Variants in MCF2L observed in about 807,000 individuals in gnomAD.
MCF2L encodes guanine nucleotide exchange factor DBS.
MCF2L carries 97 observed loss-of-function variants against 153.4 expected under a neutral mutation model. That is an observed-to-expected ratio of 0.63 (90% CI 0.54 to 0.75). The LOEUF is 0.75. MCF2L is among the 30% of genes least tolerant of loss of function. The probability of loss-of-function intolerance (pLI) is 0.00; values close to 1 mark genes in which losing one functional copy is unlikely to be tolerated. For missense variants in MCF2L, 1,347 were observed against 1,495.2 expected, an observed-to-expected ratio of 0.90 and a Z score of 1.64; for synonymous variants, 659 against 632.2, an observed-to-expected ratio of 1.04 and a Z score of -0.64.
Position 112,993,177 on chromosome 13 carries a change from CAG to C in MCF2L, c.80-21583_80-21582del, listed in dbSNP as rs912586901. On this transcript the variant is annotated intron_variant, in intron 1 of 29. Coordinates refer to ENST00000535094, the MANE Select transcript of MCF2L (RefSeq NM_001112732.3). This position sits in a 1 kb window ranked among gnomAD's most constrained non-coding sequence, Gnocchi z 4.6. ...GGAGGCCACAGAGAGGCTGTACTGA[CAG>C]AGGCTGGGGGAGGATCTGGTGATGG... 6.6e-6 allele frequency among the ~76,000 whole-genome samples: 1 copy of C among 152,210 alleles called. No homozygotes were observed.
intron 9 of MCF2L, among the ~76,000 whole-genome samples, chr13:113,072,791 C>T (rs776862390): frequency 4.6e-5 from 7 of 152,088 alleles, no homozygotes; most frequent in African/African-American, 7.2e-5. Flanking sequence ...CCAAAGAACT[C>T]GTTCTTTGTT....
chr13:113,043,370 C>T (rs958687041), intron 3 of MCF2L: 7 of 152,280 alleles, frequency 4.6e-5, no homozygotes, highest in African/African-American at 1.7e-4. Flanking sequence ...CTCTTCTCTC[C>T]TTCACTCTAG....
rs1566773260 is a variant in MCF2L, at chr13:113,033,333, CCCCCGTGACATTAGTGGA to C, written c.278+8583_278+8600del. On this transcript the variant is annotated intron_variant, in intron 3 of 29. Transcript: ENST00000535094. ...TGAGTGGCCCCTGTGGCGTGAGTGG[CCCCCGTGACATTAGTGGA>C]CCCCGTGGCGTGAGTGGCCCCCGTG... Among the ~76,000 whole-genome samples the C allele has an allele frequency of 6.6e-4, 65 of 97,844 alleles. 3 individuals carry two copies. Among genetic ancestry groups the C allele is most frequent in the East Asian group, 1.8e-3 (4 of 2,224 alleles). 64.2% of individuals were successfully genotyped at this position (97,844 alleles called of 152,430 possible).
intron 26 of MCF2L, among the ~76,000 whole-genome samples, chr13:113,092,528 T>C (rs1831683005): frequency 6.6e-6 from 1 of 152,264 alleles, no homozygotes; most frequent in Non-Finnish European, 1.5e-5. Flanking sequence ...TTGGTGGTAG[T>C]GAGCCCAGGT....
Position 113,086,247 on chromosome 13 carries a change from G to A in MCF2L, c.2371G>A (p.Asp791Asn), listed in dbSNP as rs745776300. The A allele has an allele frequency of 3.1e-6, 5 of 1,609,286 alleles. No individual in the cohort carries two copies. The highest frequency in any genetic ancestry group is 2.2e-5 in the South Asian group (2 of 90,530). ...GCACCTCATCGCTATCACCGGCTAT[G>A]ACGTAAGGCGCCCAGATGCCCGGTC... ...SMHLIAITGY[D>N]GNLGDLGKLL... Residue 791 changes from aspartate to asparagine, a missense_variant and splice_region_variant, in exon 21 of 30, where the codon GAC (aspartate) becomes AAC (asparagine). Asp to Asn is a conservative substitution (Grantham distance 23). This residue lies in a region of MCF2L where 144 missense variants were observed against 238.7 expected (regional missense o/e 0.60). Coordinates refer to ENST00000535094, the MANE Select transcript of MCF2L (RefSeq NM_001112732.3).
chr13:112,972,496 ATGGATGGATGGATGTGTGAG>A (rs1345379563), intron 1 of MCF2L, among the ~76,000 whole-genome samples: 2 of 140,532 alleles, frequency 1.4e-5, no homozygotes, highest in Non-Finnish European at 3.1e-5. Context: ...ATGGATGATG[ATGGATGGATGGATGTGTGAG>A]TGGATGGATG....
At chr13:112,903,896 C>T (rs1029716755) in intron 2 of MCF2L, among the ~76,000 whole-genome samples, 4 of 152,196 alleles carry the variant, frequency 2.6e-5, no homozygotes, top group Non-Finnish European at 1.5e-5. Context: ...GTGCTGCACA[C>T]AGCTTAGCTG....
chr13:113,008,933 T>A (rs1159654464), intron 1 of MCF2L: 2 of 150,970 alleles, frequency 1.3e-5, no homozygotes, highest in African/African-American at 2.5e-5. Context: ...CGAGGCAGCG[T>A]GGAGAGGGAG....
chr13:112,920,320 ACT>A (rs1306390104), intron 2 of MCF2L, among the ~76,000 whole-genome samples: 2 of 151,514 alleles, frequency 1.3e-5, no homozygotes, highest in East Asian at 1.9e-4. Context: ...GCAGAAGAAA[ACT>A]CTGCATTCAA....
intron 15 of MCF2L, among the ~76,000 whole-genome samples, chr13:113,079,954 A>G (rs1470409711): frequency 2.1e-4 from 25 of 121,756 alleles, no homozygotes; most frequent in African/African-American, 2.9e-4. Flanking sequence ...TACCGAGGAG[A>G]GTCCAGGCAG....
rs916692801 is a variant in MCF2L at position 113,064,291 on chromosome 13, C to T, written c.490-13C>T. On this transcript the variant is annotated splice_polypyrimidine_tract_variant and intron_variant, in intron 5 of 29. Coordinates refer to ENST00000535094, the MANE Select transcript of MCF2L (RefSeq NM_001112732.3). The surrounding 1 kb of genome is among the most constrained non-coding windows in gnomAD (Gnocchi z 6.0). ...AATCCCAAACACTACCACGCATTCC[C>T]TTTCTCCTCCAGGTCATAATGCTGA... The T allele has an allele frequency of 2.6e-5, 41 of 1,591,854 alleles. No individual in the cohort carries two copies. Among genetic ancestry groups the T allele is most frequent in the Middle Eastern group, 1.7e-4 (1 of 6,050 alleles).
chr13:113,038,464 C>CAAAAAAAA (rs59638426), intron 3 of MCF2L, among the ~76,000 whole-genome samples: 2 of 111,908 alleles, frequency 1.8e-5, no homozygotes, highest in Non-Finnish European at 1.9e-5. Context: ...GCCTCCATCT[C>CAAAAAAAA]AAAAAAAAAA....
Position 113,074,314 on chromosome 13 carries a change from C to A in MCF2L, c.997-130C>A. 8.5e-7 allele frequency: 1 copy of A among 1,180,892 alleles called. No homozygotes were observed. The highest frequency in any genetic ancestry group is 1.2e-6 in the Non-Finnish European group (1 of 819,074). The allele number at this position is 1,180,892 out of a possible 1,614,324, so 73.2% of individuals were successfully genotyped here. On this transcript the variant is annotated intron_variant, in intron 9 of 29. Coordinates refer to ENST00000535094, the MANE Select transcript of MCF2L (RefSeq NM_001112732.3). The surrounding 1 kb of genome is among the most constrained non-coding windows in gnomAD (Gnocchi z 4.2). ...GACTTTGCACCTGTCTGACTGTGGT[C>A]CCTGCTTGATTGATGACCACTTGGC...
chr13:113,087,134 C>T (rs969653205), intron 21 of MCF2L, 101 bp from the exon 22 acceptor site: 30 of 1,015,994 alleles, frequency 3.0e-5, no homozygotes, highest in South Asian at 3.3e-5. Context: ...GGAATCCCAC[C>T]GTGGGTGGGC....
chr13:112,954,378 G>A (rs764478213), intron 2 of MCF2L, among the ~76,000 whole-genome samples: 1 of 152,070 alleles, frequency 6.6e-6, no homozygotes, highest in Non-Finnish European at 1.5e-5. Context: ...CTGAAACCTC[G>A]AGGAGGCAGC....
rs992450246 is a variant in MCF2L, at chr13:112,907,996, G to A, written c.169+5625G>A. ...TAACTTCTTGTTTTCAACCTTTCCT[G>A]ATTCCTCAGCATCTTTCTACTTGGA... On this transcript the variant is annotated intron_variant, in intron 2 of 29. Transcript: ENST00000375608. The surrounding 1 kb of genome is among the most constrained non-coding windows in gnomAD (Gnocchi z 5.1). Among the ~76,000 whole-genome samples the A allele has an allele frequency of 6.6e-6, 1 of 152,188 alleles. No individual in the cohort carries two copies. Among genetic ancestry groups the A allele is most frequent in the Admixed American group, 6.5e-5 (1 of 15,274 alleles).
At chr13:113,075,216 T>G (rs1566848110) in intron 11 of MCF2L, 27 bp downstream of exon 11, 13 of 1,541,560 alleles carry the variant, frequency 8.4e-6, no homozygotes, top group East Asian at 2.3e-5. Context: ...CCCACCCCAC[T>G]CCCCCCCAGC....
intron 2 of MCF2L, among the ~76,000 whole-genome samples, chr13:112,922,789 C>G (rs1045504680): frequency 1.3e-5 from 2 of 152,186 alleles, no homozygotes; most frequent in Non-Finnish European, 2.9e-5. Context: ...GAGCTGAGAT[C>G]GTGCCACTGC....
rs2035822777 is a variant in MCF2L at position 113,098,970 on chromosome 13, T to C, written c.*2111T>C. The C allele has an allele frequency of 6.6e-6, 1 of 152,272 alleles. No homozygotes were observed. The highest frequency in any genetic ancestry group is 2.4e-5 in the African/African-American group (1 of 41,460). The allele number at this position is 152,272 out of a possible 1,614,324, so 9.4% of individuals were successfully genotyped here. A position where few individuals can be genotyped will look rare whatever the true frequency, so the allele number is the denominator to read the frequency against. ...AGATGTGTCTGGCTCACAACAGACG[T>C]GATCATGTTATGCTGGCCTGGAAGA... On this transcript the variant is annotated 3_prime_UTR_variant, in exon 30 of 30. Transcript: ENST00000535094.
Sources: gnomAD v4.1 joint callset for allele counts (sites outside exome capture counted in the v4.1 genomes callset) on GRCh38, gnomAD v4.1.1 for gene constraint, gnomAD v4.1.1 regional missense constraint, Gnocchi (gnomAD v3.1) non-coding constraint, MANE v1.5 for transcripts, NCBI Gene and HGNC (gene_info 2026-07-23, HGNC 2026-07-21) for gene names.